SLMAP: variants seen among roughly 807,000 people sequenced by gnomAD.
SLMAP encodes sarcolemma associated protein, also known as sarcolemmal membrane-associated protein.
Under a neutral mutation model 128.8 loss-of-function variants are expected in SLMAP, and 44 were observed. The observed-to-expected ratio is 0.34, with a 90% CI of 0.27 to 0.44. The LOEUF is 0.44. Among genes scored for constraint, SLMAP ranks in the 20% least tolerant of loss-of-function variants. The pLI is 1.00. For synonymous variants in SLMAP, 327 were observed against 348.8 expected, an observed-to-expected ratio of 0.94 and a Z score of 0.70; for missense variants, 787 against 985.3, an observed-to-expected ratio of 0.80 and a Z score of 2.69.
At chr3:57,789,668 G>T (rs1001342879) in intron 2 of SLMAP, among the ~76,000 whole-genome samples, 3 of 152,130 alleles carry the variant, frequency 2.0e-5, no homozygotes, top group Non-Finnish European at 4.4e-5. Context: ...TTGTCAACAT[G>T]AGTCACATTG....
At chr3:57,758,239 C>A (rs2077951617) in intron 2 of SLMAP, among the ~76,000 whole-genome samples, 1 of 152,186 alleles carries the variant, frequency 6.6e-6, no homozygotes. Flanking sequence ...CCATTATTAT[C>A]CCGGGGCTCA....
chr3:57,919,489 A>T (rs916423021), intron 22 of SLMAP, among the ~76,000 whole-genome samples: 1 of 152,102 alleles, frequency 6.6e-6, no homozygotes, highest in African/African-American at 2.4e-5. Context: ...TTTAGTAGGA[A>T]TATCTGTAAT....
intron 17 of SLMAP, among the ~76,000 whole-genome samples, chr3:57,906,266 A>G (rs368900275): frequency 1.5e-5 from 2 of 133,368 alleles, no homozygotes; most frequent in South Asian, 2.5e-4. Flanking sequence ...TGATAAGTTG[A>G]CTAGAGTAGC....
chr3:57,771,209 T>C (rs2080822911), intron 2 of SLMAP, among the ~76,000 whole-genome samples: 2 of 120,306 alleles, frequency 1.7e-5, no homozygotes, highest in South Asian at 3.4e-4. Flanking sequence ...TTTCTCCTCC[T>C]CCTCCTCCTT....
At chr3:57,907,217 C>T (rs1486606556) in intron 17 of SLMAP, among the ~76,000 whole-genome samples, 3 of 151,792 alleles carry the variant, frequency 2.0e-5, no homozygotes, top group Non-Finnish European at 4.4e-5. Context: ...TTAGTAGAGA[C>T]GGGGTTTCAC....
chr3:57,791,377 C>T (rs2085420282), intron 2 of SLMAP, among the ~76,000 whole-genome samples: 1 of 151,768 alleles, frequency 6.6e-6, no homozygotes, highest in South Asian at 2.1e-4. Context: ...AAAAAAGGAT[C>T]ATTTTATTTA....
In SLMAP at chr3:57,853,980, T is replaced by TA. The variant is rs1436774883; in HGVS notation, c.520-3752dup. 4.7e-3 allele frequency among the ~76,000 whole-genome samples: 494 copies of TA among 105,834 alleles called. 25 individuals are homozygous for TA. Among genetic ancestry groups the TA allele is most frequent in the African/African-American group, 0.017 (453 of 26,416 alleles). 69.4% of individuals were successfully genotyped at this position (105,834 alleles called of 152,430 possible). A position where few individuals can be genotyped will look rare whatever the true frequency, so the allele number is the denominator to read the frequency against. On this transcript the variant is annotated intron_variant, in intron 6 of 24. Transcript: ENST00000671191. ...TTATATATATATATATATATATATA[T>TA]ATATATATATATATATATATTTACA...
intron 14 of SLMAP, among the ~76,000 whole-genome samples, chr3:57,882,708 G>T (rs2095779662): frequency 6.6e-6 from 1 of 152,126 alleles, no homozygotes; most frequent in Non-Finnish European, 1.5e-5. Flanking sequence ...GGGTATAGTT[G>T]ACTGACCCCT....
At chr3:57,761,806 G>C (rs1033344948) in intron 2 of SLMAP, among the ~76,000 whole-genome samples, 6 of 151,112 alleles carry the variant, frequency 4.0e-5, no homozygotes, top group African/African-American at 1.5e-4. Flanking sequence ...CCAGCACTTT[G>C]GGAGGCCGAG....
chr3:57,885,313 G>GC (rs1276534524), intron 14 of SLMAP, among the ~76,000 whole-genome samples: 1 of 147,790 alleles, frequency 6.8e-6, no homozygotes, highest in Admixed American at 6.7e-5. Context: ...CTCAGGTGAT[G>GC]CCCGCCTTGG....
chr3:57,792,732 G>A (rs2085767569), intron 2 of SLMAP, among the ~76,000 whole-genome samples: 1 of 152,196 alleles, frequency 6.6e-6, no homozygotes, highest in Middle Eastern at 3.4e-3. Flanking sequence ...TATGGGAAAT[G>A]TATTAATATG....
intron 21 of SLMAP, among the ~76,000 whole-genome samples, chr3:57,914,298 G>A (rs758558141): frequency 1.3e-5 from 2 of 152,162 alleles, no homozygotes; most frequent in Non-Finnish European, 2.9e-5. Flanking sequence ...GGAGGCTGAG[G>A]TGAGAGGATC....
chr3:57,830,502 C>T (rs1360154890), intron 2 of SLMAP, among the ~76,000 whole-genome samples: 3 of 152,010 alleles, frequency 2.0e-5, no homozygotes, highest in Admixed American at 6.6e-5. Flanking sequence ...TCTTTTTTTA[C>T]TGGTGGTTCT....
At chr3:57,768,109 A>G (rs1352284626) in intron 2 of SLMAP, among the ~76,000 whole-genome samples, 2 of 152,154 alleles carry the variant, frequency 1.3e-5, no homozygotes, top group Admixed American at 6.6e-5. Flanking sequence ...GGCCATGTAC[A>G]TTTTTCATGC....
chr3:57,840,983 G>A (rs1407070282), intron 3 of SLMAP, among the ~76,000 whole-genome samples: 2 of 152,088 alleles, frequency 1.3e-5, no homozygotes, highest in Admixed American at 1.3e-4. Flanking sequence ...TTTGATACTG[G>A]CAGATGGGGA....
intron 2 of SLMAP, among the ~76,000 whole-genome samples, chr3:57,811,825 A>G (rs2091026222): frequency 6.6e-6 from 1 of 152,160 alleles, no homozygotes; most frequent in Admixed American, 6.5e-5. Flanking sequence ...TCTAATGATT[A>G]GTGATGTTCA....
chr3:57,793,569 A>G (rs2085994925), intron 2 of SLMAP, among the ~76,000 whole-genome samples: 1 of 152,208 alleles, frequency 6.6e-6, no homozygotes, highest in South Asian at 2.1e-4. Flanking sequence ...CAGCAAATCC[A>G]GCATAATTAA....
chr3:57,909,091 A>C lies in SLMAP; in HGVS notation c.1640A>C (p.Glu547Ala). Residue 547 changes from glutamate (E) to alanine (A), a missense_variant, in exon 19 of 25, where the codon GAA (glutamate) becomes GCA (alanine). By Grantham distance (107) the Glu-to-Ala change is moderately radical. Coordinates refer to ENST00000671191, the MANE Select transcript of SLMAP (RefSeq NM_001377540.1). ...TTACTTTTAGCTCTTTTGGAAGAAGAAAGAAAAGCCTATCGAAATCAAGTT... is the reference window on the plus strand; with the variant it reads ...TTACTTTTAGCTCTTTTGGAAGAAGCAAGAAAAGCCTATCGAAATCAAGTT... Reference protein sequence around the residue: ...CFELQALLEEERKAYRNQVEE... With the variant: ...CFELQALLEEARKAYRNQVEE... 1 of 1,610,132 alleles carries C rather than the reference A, an allele frequency of 6.2e-7. No individual in the cohort carries two copies. The highest frequency in any genetic ancestry group is 8.5e-7 in the Non-Finnish European group (1 of 1,177,552).
chr3:57,847,970 C>G (rs971257815), intron 5 of SLMAP, among the ~76,000 whole-genome samples: 2 of 152,112 alleles, frequency 1.3e-5, no homozygotes, highest in Non-Finnish European at 2.9e-5. Context: ...AAAGATTATT[C>G]AGAAGTAAAT....
Sources: gnomAD v4.1 joint callset for allele counts (sites outside exome capture counted in the v4.1 genomes callset) on GRCh38, gnomAD v4.1.1 for gene constraint, MANE v1.5 for transcripts, NCBI Gene and HGNC (gene_info 2026-07-23, HGNC 2026-07-21) for gene names.